PDE4D: variants seen among roughly 807,000 people sequenced by gnomAD.
The protein encoded by PDE4D is phosphodiesterase 4D, also known as 3',5'-cyclic-AMP phosphodiesterase 4D.
Under a neutral mutation model 87.4 loss-of-function variants are expected in PDE4D, and 24 were observed. That is an observed-to-expected ratio of 0.27 (90% confidence interval 0.20 to 0.39). The LOEUF (loss-of-function observed/expected upper bound fraction) is 0.39. Among genes scored for constraint, PDE4D ranks in the 10% least tolerant of loss-of-function variants. The pLI, the probability that PDE4D is intolerant of heterozygous loss-of-function variation, is 1.00. For synonymous variants in PDE4D, 384 were observed against 383.2 expected (o/e 1.00, Z -0.02); for missense variants, 714 against 1,041.0 (o/e 0.69, Z 4.32).
At chr5:60,060,599 T>G (rs988703766) in intron 2 of PDE4D, among the ~76,000 whole-genome samples, 5 of 152,134 alleles carry the variant, frequency 3.3e-5, no homozygotes, top group African/African-American at 1.2e-4. Flanking sequence ...TCAACTGTCC[T>G]ACATGTTCCT....
chr5:59,187,208 A>C (rs1208870068), intron 3 of PDE4D, among the ~76,000 whole-genome samples: 2 of 152,112 alleles, frequency 1.3e-5, no homozygotes, highest in African/African-American at 4.8e-5. Context: ...TCAAAGAAAA[A>C]ATTTCTGTAG....
At chr5:60,433,630 A>T (rs1247102711) in intron 1 of PDE4D, among the ~76,000 whole-genome samples, 1 of 152,226 alleles carries the variant, frequency 6.6e-6, no homozygotes, top group Non-Finnish European at 1.5e-5. Flanking sequence ...GCATATGTTC[A>T]TTGCAGCTCT....
chr5:59,345,470 A>C (rs571192892), intron 1 of PDE4D, among the ~76,000 whole-genome samples: 12 of 152,332 alleles, frequency 7.9e-5, no homozygotes, highest in Admixed American at 3.9e-4. Flanking sequence ...TGGATCAAAC[A>C]GGGAAAACTC....
At chr5:59,561,443 T>C (rs1170124584) in intron 1 of PDE4D, among the ~76,000 whole-genome samples, 1 of 152,228 alleles carries the variant, frequency 6.6e-6, no homozygotes, top group African/African-American at 2.4e-5. Flanking sequence ...AAGTTTCTTG[T>C]CTTAGTAAAG....
intron 1 of PDE4D, among the ~76,000 whole-genome samples, chr5:60,502,981 C>G (rs991139244): frequency 6.6e-6 from 1 of 152,024 alleles, no homozygotes; most frequent in Non-Finnish European, 1.5e-5. Flanking sequence ...ATTTTTAGAA[C>G]CTTACAACAA....
intron 1 of PDE4D, among the ~76,000 whole-genome samples, chr5:59,301,538 A>C (rs886770849): frequency 5.9e-5 from 9 of 152,122 alleles, no homozygotes; most frequent in Admixed American, 3.9e-4. Context: ...TTCCTCTGTA[A>C]ATCTAAATCT....
chr5:59,696,920 A>C (rs1322078345), intron 1 of PDE4D, among the ~76,000 whole-genome samples: 2 of 152,210 alleles, frequency 1.3e-5, no homozygotes, highest in African/African-American at 4.8e-5. Flanking sequence ...GAAGTAAAAA[A>C]CAGAAAAAAG....
chr5:60,185,450 T>A, intron 2 of PDE4D: 1 of 636,732 alleles, frequency 1.6e-6, no homozygotes, highest in Non-Finnish European at 2.8e-6. Flanking sequence ...TGACTAAACG[T>A]TTCCCACAAG....
intron 2 of PDE4D, among the ~76,000 whole-genome samples, chr5:59,214,026 C>T (rs539869128): frequency 9.7e-4 from 134 of 138,198 alleles, no homozygotes; most frequent in African/African-American, 3.4e-3. Flanking sequence ...AACATACATA[C>T]ATACTTCACA....
At chr5:60,263,148 G>A (rs1749829735) in intron 1 of PDE4D, among the ~76,000 whole-genome samples, 1 of 152,146 alleles carries the variant, frequency 6.6e-6, no homozygotes, top group Non-Finnish European at 1.5e-5. Context: ...CAATGGAGCC[G>A]CAAAGCCTCT....
intron 1 of PDE4D, among the ~76,000 whole-genome samples, chr5:59,888,198 C>T (rs908707429): frequency 7.9e-5 from 12 of 152,212 alleles, no homozygotes; most frequent in Non-Finnish European, 1.8e-4. Context: ...CAACTGAACC[C>T]AGATGATCCA....
intron 1 of PDE4D, among the ~76,000 whole-genome samples, chr5:59,768,802 T>A (rs982572001): frequency 2.6e-5 from 4 of 152,212 alleles, no homozygotes; most frequent in Non-Finnish European, 5.9e-5. Flanking sequence ...CACGGCTTTG[T>A]CCGTGCTACA....
intron 5 of PDE4D, among the ~76,000 whole-genome samples, chr5:59,103,401 C>T (rs2153434721): frequency 6.6e-6 from 1 of 152,152 alleles, no homozygotes; most frequent in South Asian, 2.1e-4. Context: ...CAGATCTGGT[C>T]CACAGATGTG....
intron 1 of PDE4D, chr5:59,586,386 C>T: frequency 6.2e-7 from 1 of 1,608,100 alleles, no homozygotes; most frequent in African/African-American, 1.3e-5. Flanking sequence ...GTTCGCAGAT[C>T]TTCTGTCATT....
chr5:60,375,249 A>G (rs899128450), intron 1 of PDE4D, among the ~76,000 whole-genome samples: 1 of 152,198 alleles, frequency 6.6e-6, no homozygotes, highest in Non-Finnish European at 1.5e-5. Context: ...ACAGGGACAT[A>G]TCTGTCTCTT....
At chr5:60,291,110 A>T (rs1461488093) in intron 1 of PDE4D, among the ~76,000 whole-genome samples, 1 of 152,220 alleles carries the variant, frequency 6.6e-6, no homozygotes, top group Non-Finnish European at 1.5e-5. Flanking sequence ...ATGAGCAATG[A>T]CCTGGACACT....
At chr5:59,095,488 G>T (rs1302275642) in intron 5 of PDE4D, among the ~76,000 whole-genome samples, 1 of 152,112 alleles carries the variant, frequency 6.6e-6, no homozygotes, top group South Asian at 2.1e-4. Context: ...TTAAACTTAG[G>T]TAACAGTGGA....
At chr5:60,388,380 TTTTC>T (rs1444949772) in intron 1 of PDE4D, among the ~76,000 whole-genome samples, 2 of 149,628 alleles carry the variant, frequency 1.3e-5, no homozygotes, top group Admixed American at 1.3e-4. Context: ...TTTTGGGGTT[TTTTC>T]TTTATTTTTT....
At chr5:59,201,200 CTTATT>C (rs1423864663) in intron 2 of PDE4D, among the ~76,000 whole-genome samples, 4 of 151,970 alleles carry the variant, frequency 2.6e-5, no homozygotes, top group Non-Finnish European at 5.9e-5. Flanking sequence ...AGGAAACATG[CTTATT>C]TTAATTAAAT....
Sources: allele counts gnomAD v4.1 joint callset (sites outside exome capture counted in the v4.1 genomes callset), GRCh38; gene constraint gnomAD v4.1.1; transcripts MANE v1.5; gene names NCBI Gene and HGNC (gene_info 2026-07-23, HGNC 2026-07-21).